The following IL1RAPL1 variants were observed in gnomAD, a reference collection of about 807,000 sequenced individuals.
IL1RAPL1 encodes interleukin-1 receptor accessory protein-like 1.
Under a neutral mutation model 48.4 loss-of-function variants are expected in IL1RAPL1, and 3 were observed. That is an observed-to-expected ratio of 0.06 (90% confidence interval 0.03 to 0.16). The LOEUF is 0.16. Ranked by LOEUF, IL1RAPL1 falls within the 10% of genes least tolerant of loss-of-function variation. The pLI is 1.00. For synonymous variants in IL1RAPL1, 185 were observed against 187.7 expected (o/e 0.99, Z 0.12); for missense variants, 349 against 530.6 (o/e 0.66, Z 3.36).
intron 5 of IL1RAPL1, among the ~76,000 whole-genome samples, chrX:29,590,738 A>G (rs1055011940): frequency 1.1e-4 from 12 of 111,726 alleles, no homozygotes; most frequent in Non-Finnish European, 1.9e-4. Context: ...CTGGCTCCTT[A>G]TAGAAGTCAC....
At chrX:29,256,264 A>C (rs1384523033) in intron 2 of IL1RAPL1, among the ~76,000 whole-genome samples, 1 of 111,417 alleles carries the variant, frequency 9.0e-6, no homozygotes, top group African/African-American at 3.3e-5. Flanking sequence ...TTGATTAATT[A>C]ATTTATTTAT....
At chrX:29,640,538 C>T (rs1310061056) in intron 5 of IL1RAPL1, among the ~76,000 whole-genome samples, 1 of 111,969 alleles carries the variant, frequency 8.9e-6, no homozygotes, top group Admixed American at 9.4e-5. Flanking sequence ...TCTGTCCACC[C>T]ATATATGACC....
intron 5 of IL1RAPL1, among the ~76,000 whole-genome samples, chrX:29,479,625 T>A (rs1268436826): frequency 2.7e-5 from 3 of 109,100 alleles, no homozygotes; most frequent in African/African-American, 1.0e-4. Context: ...ACCCATCACC[T>A]GCGCAGTGTA....
intron 1 of IL1RAPL1, among the ~76,000 whole-genome samples, chrX:28,593,216 C>A (rs1054573814): frequency 9.0e-6 from 1 of 111,198 alleles, no homozygotes; most frequent in Non-Finnish European, 1.9e-5. Flanking sequence ...TGTGTAGACA[C>A]AATATTCAGG....
intron 2 of IL1RAPL1, among the ~76,000 whole-genome samples, chrX:28,816,227 T>C (rs958272812): frequency 3.7e-5 from 4 of 109,392 alleles, no homozygotes; most frequent in African/African-American, 1.3e-4. Flanking sequence ...GATATCTCAT[T>C]GTGGTGTTTT....
chrX:29,460,649 A>G (rs938720982), intron 5 of IL1RAPL1, among the ~76,000 whole-genome samples: 1 of 112,184 alleles, frequency 8.9e-6, no homozygotes, highest in Non-Finnish European at 1.9e-5. Context: ...TTGTCTATTA[A>G]TATTATTACA....
At chrX:29,882,931 A>T (rs1046865475) in intron 6 of IL1RAPL1, among the ~76,000 whole-genome samples, 1 of 111,731 alleles carries the variant, frequency 9.0e-6, no homozygotes, top group African/African-American at 3.3e-5. Flanking sequence ...CTGCAGTAGC[A>T]TCTGGTGATC....
intron 5 of IL1RAPL1, among the ~76,000 whole-genome samples, chrX:29,520,202 A>G (rs1935488960): frequency 8.9e-6 from 1 of 112,173 alleles, no homozygotes; most frequent in Non-Finnish European, 1.9e-5. Flanking sequence ...TTAATAGGAC[A>G]CAGATAAATT....
intron 1 of IL1RAPL1, chrX:28,659,507 C>T: frequency 6.3e-6 from 3 of 475,257 alleles, no homozygotes; most frequent in South Asian, 2.9e-5. Context: ...CCTTCTCCTT[C>T]GGCTGGAGCT....
At chrX:28,836,369 A>ATATATATAT (rs1569183037) in intron 2 of IL1RAPL1, among the ~76,000 whole-genome samples, 1 of 73,231 alleles carries the variant, frequency 1.4e-5, no homozygotes, top group African/African-American at 1.9e-4. Flanking sequence ...TATATGACAG[A>ATATATATAT]GAGAGAGAGA....
chrX:29,658,186 T>C (rs1925741950), intron 5 of IL1RAPL1, among the ~76,000 whole-genome samples: 1 of 111,613 alleles, frequency 9.0e-6, no homozygotes, highest in Non-Finnish European at 1.9e-5. Context: ...TCCATGTTTT[T>C]CTCCACTCAT....
chrX:29,767,780 C>T (rs1395525645), intron 6 of IL1RAPL1, among the ~76,000 whole-genome samples: 1 of 111,482 alleles, frequency 9.0e-6, no homozygotes, highest in African/African-American at 3.3e-5. Context: ...GCGCAGTAAA[C>T]TTCTGGTATC....
chrX:29,562,265 G>A (rs1325294494), intron 5 of IL1RAPL1, among the ~76,000 whole-genome samples: 1 of 108,068 alleles, frequency 9.3e-6, no homozygotes, highest in Non-Finnish European at 1.9e-5. Flanking sequence ...CTCACAAAAT[G>A]CTGCCACCAT....
chrX:28,650,467 G>A (rs960848307), intron 1 of IL1RAPL1, among the ~76,000 whole-genome samples: 1 of 111,484 alleles, frequency 9.0e-6, no homozygotes, highest in South Asian at 3.8e-4. Flanking sequence ...ACTATCACAA[G>A]AACAGCATGG....
chrX:29,090,700 T>C lies in IL1RAPL1; in HGVS notation c.83-192238T>C, dbSNP rs781776309. Among the ~76,000 whole-genome samples the C allele has an allele frequency of 2.7e-5, 3 of 112,056 alleles. 1 individual carries two copies. The South Asian group carries it at 1.1e-3, about 42-fold the overall frequency. The stretch of plus-strand genomic sequence containing the variant: ...ATCAGGCTGTGGAAAGCCAGAACTC[T>C]TCTCTACATCTAGTACAAAGATTGT... On this transcript the variant is annotated intron_variant, in intron 2 of 10. Transcript: ENST00000378993.
intron 2 of IL1RAPL1, among the ~76,000 whole-genome samples, chrX:29,105,405 C>T (rs1220417919): frequency 8.9e-6 from 1 of 111,862 alleles, no homozygotes; most frequent in Non-Finnish European, 1.9e-5. Flanking sequence ...ATTTTGGCAG[C>T]ATTGCTATGG....
intron 1 of IL1RAPL1, among the ~76,000 whole-genome samples, chrX:28,768,635 A>C (rs1322096573): frequency 2.9e-5 from 3 of 103,763 alleles, no homozygotes; most frequent in African/African-American, 1.0e-4. Flanking sequence ...AATCAATGTA[A>C]TATTGCTTTT....
chrX:28,733,703 G>A (rs1459856121), intron 1 of IL1RAPL1, among the ~76,000 whole-genome samples: 1 of 110,690 alleles, frequency 9.0e-6, no homozygotes, highest in Non-Finnish European at 1.9e-5. Flanking sequence ...CTCATTCCTT[G>A]GTCCTCTTCT....
At chrX:28,926,191 A>G (rs1381426982) in intron 2 of IL1RAPL1, among the ~76,000 whole-genome samples, 1 of 112,047 alleles carries the variant, frequency 8.9e-6, no homozygotes, top group African/African-American at 3.2e-5. Context: ...GCAGCTTCGT[A>G]TTGAGCAGCA....
Sources: allele counts gnomAD v4.1 joint callset (sites outside exome capture counted in the v4.1 genomes callset), GRCh38; gene constraint gnomAD v4.1.1; transcripts MANE v1.5; gene names NCBI Gene and HGNC (gene_info 2026-07-23, HGNC 2026-07-21).